CCDC117: variants seen among roughly 807,000 people sequenced by gnomAD.
CCDC117 encodes coiled-coil domain containing 117, also known as coiled-coil domain-containing protein 117.
In CCDC117, 1 loss-of-function variant was observed where a neutral mutation model predicts 23.5. The observed-to-expected ratio is 0.04, with a 90% CI of 0.02 to 0.20. The LOEUF is 0.20. Ranked by LOEUF, CCDC117 falls within the 10% of genes least tolerant of loss-of-function variation. CCDC117 has a pLI of 1.00. For synonymous variants in CCDC117, 132 were observed against 124.8 expected (o/e 1.06, Z -0.39); for missense variants, 383 against 348.2 (o/e 1.10, Z -0.80).
chr22:28,783,261 G>A (rs572171909), intron 3 of CCDC117, among the ~76,000 whole-genome samples: 73 of 151,612 alleles, frequency 4.8e-4, no homozygotes, highest in African/African-American at 1.5e-3. Flanking sequence ...GGCTCTTCTC[G>A]AACTCCTAAC....
intron 3 of CCDC117, 128 bp from the exon 4 acceptor site, chr22:28,783,380 G>T: frequency 2.4e-6 from 2 of 821,082 alleles, no homozygotes; most frequent in Non-Finnish European, 1.9e-6. Context: ...CTCATTTTTT[G>T]CTTGTTCTAT....
intron 4 of CCDC117, 51 bp downstream of exon 4, chr22:28,783,696 C>A: frequency 1.3e-6 from 2 of 1,558,242 alleles, no homozygotes; most frequent in Non-Finnish European, 1.8e-6. Flanking sequence ...GAGGGAAGAC[C>A]CAATGTCTAG....
At position 28,786,830 on chromosome 22, in the gene CCDC117, A is replaced by G. The variant is rs943903300; in HGVS notation, c.*504A>G. ...CAGTAGCTTAAGCCTGTTGCTAAGA[A>G]ATTTAATTTCTTAGCAACTTGTAAT... On this transcript the variant is annotated 3_prime_UTR_variant, in exon 5 of 5. Coordinates refer to ENST00000249064, the MANE Select transcript of CCDC117 (RefSeq NM_173510.4). 3 of 153,208 alleles carry G rather than the reference A, an allele frequency of 2.0e-5. No individual in the cohort carries two copies. Among genetic ancestry groups the G allele is most frequent in the African/African-American group, 7.2e-5 (3 of 41,426 alleles). The allele number at this position is 153,208 out of a possible 1,614,324, so 9.5% of individuals were successfully genotyped here.
intron 2 of CCDC117, among the ~76,000 whole-genome samples, chr22:28,777,127 C>A (rs1354476017): frequency 6.6e-6 from 1 of 150,722 alleles, no homozygotes; most frequent in Non-Finnish European, 1.5e-5. Flanking sequence ...CAACCTCTGC[C>A]TCCCGTGTTC....
chr22:28,779,988 A>G (rs2031273081), intron 2 of CCDC117, among the ~76,000 whole-genome samples: 19 of 152,216 alleles, frequency 1.2e-4, no homozygotes, highest in Admixed American at 1.2e-3. Context: ...ACTTGGTGGT[A>G]AGCACTTGAA....
chr22:28,780,737 G>A (rs1305299685), intron 2 of CCDC117, among the ~76,000 whole-genome samples: 2 of 152,148 alleles, frequency 1.3e-5, no homozygotes, highest in African/African-American at 4.8e-5. Flanking sequence ...TCTTACAGGT[G>A]CATCTTTATT....
intron 2 of CCDC117, among the ~76,000 whole-genome samples, chr22:28,776,792 C>G (rs577606200): frequency 6.6e-6 from 1 of 152,296 alleles, no homozygotes; most frequent in South Asian, 2.1e-4. Context: ...GCATTTTGGT[C>G]AGGCTGGTCT....
intron 3 of CCDC117, 88 bp from the exon 4 acceptor site, chr22:28,783,420 T>G: frequency 7.5e-7 from 1 of 1,337,628 alleles, no homozygotes; most frequent in Non-Finnish European, 1.0e-6. Context: ...TTTATCCTTT[T>G]TTATTTTTAA....
chr22:28,778,734 A>G (rs561007593), intron 2 of CCDC117, among the ~76,000 whole-genome samples: 1 of 152,320 alleles, frequency 6.6e-6, no homozygotes, highest in South Asian at 2.1e-4. Context: ...AACCATCTTT[A>G]ATTTACAAAT....
chr22:28,775,293 C>T (rs542335799), intron 2 of CCDC117, among the ~76,000 whole-genome samples: 1 of 152,168 alleles, frequency 6.6e-6, no homozygotes, highest in South Asian at 2.1e-4. Context: ...GTGTGGAATT[C>T]TATCGTAGGA....
chr22:28,775,196 G>T (rs1333026474), intron 2 of CCDC117, among the ~76,000 whole-genome samples: 1 of 152,198 alleles, frequency 6.6e-6, no homozygotes, highest in Non-Finnish European at 1.5e-5. Context: ...GGGAGGTGGA[G>T]GTTGCAGTGA....
intron 2 of CCDC117, among the ~76,000 whole-genome samples, chr22:28,779,017 G>A (rs1377216455): frequency 6.6e-6 from 1 of 152,050 alleles, no homozygotes; most frequent in African/African-American, 2.4e-5. Context: ...TTTTGGGGAT[G>A]TGGACTCTCA....
chr22:28,777,020 A>G (rs1344139154), intron 2 of CCDC117, among the ~76,000 whole-genome samples: 2 of 147,044 alleles, frequency 1.4e-5, no homozygotes, highest in Admixed American at 1.4e-4. Context: ...GTGCCTGGCC[A>G]GTATACTGTA....
At position 28,773,757 on chromosome 22, in the gene CCDC117, G is replaced by T. The variant is rs1397884564; in HGVS notation, c.218G>T (p.Arg73Leu). The change falls in exon 2 of 5, where the codon CGA (arginine) becomes CTA (leucine). Residue 73 changes from arginine (R) to leucine (L), a missense_variant. Coordinates refer to ENST00000249064, the MANE Select transcript of CCDC117 (RefSeq NM_173510.4). ...VSVHCKKKHK[R>L]EEEEDDDCPV... ...GTTCACTGTAAAAAGAAACACAAGC[G>T]AGAGGAGGAGGAGGATGATGAGTAA... 1.2e-6 allele frequency: 2 copies of T among 1,613,946 alleles called. No homozygotes were observed. Among genetic ancestry groups the T allele is most frequent in the South Asian group, 2.2e-5 (2 of 91,082 alleles).
rs1378530612 is a variant in CCDC117, at chr22:28,772,794, G to A, written c.-56G>A. ...GCAGTAGCTGTGGCTGCGGCTGCCGGGCCTGGGGACGCGGGCGGCCGAGGC... is the reference window on the plus strand; with the variant it reads ...GCAGTAGCTGTGGCTGCGGCTGCCGAGCCTGGGGACGCGGGCGGCCGAGGC... On this transcript the variant is annotated 5_prime_UTR_variant, in exon 1 of 5. Transcript: ENST00000249064. 3 of 1,209,806 alleles carry A rather than the reference G, an allele frequency of 2.5e-6. No individual in the cohort carries two copies. Among genetic ancestry groups the A allele is most frequent in the African/African-American group, 3.2e-5 (2 of 63,428 alleles). 74.9% of individuals were successfully genotyped at this position (1,209,806 alleles called of 1,614,324 possible). A position where few individuals can be genotyped will look rare whatever the true frequency, so the allele number is the denominator to read the frequency against.
chr22:28,773,103 CGGGCGCGGGCAG>C (rs2031045342), intron 1 of CCDC117, 69 bp downstream of exon 1: 32 of 816,676 alleles, frequency 3.9e-5, no homozygotes, highest in South Asian at 1.1e-4. Context: ...CCCCTCGCGG[CGGGCGCGGGCAG>C]GGGCGCGGGC....
At chr22:28,785,177 CTTGTTTTGTT>C (rs57485961) in intron 4 of CCDC117, among the ~76,000 whole-genome samples, 93 of 151,250 alleles carry the variant, frequency 6.1e-4, no homozygotes, top group Non-Finnish European at 1.1e-3. Flanking sequence ...AACCATGAAG[CTTGTTTTGTT>C]TTGTTTTGTT....
intron 3 of CCDC117, 44 bp downstream of exon 3, chr22:28,781,216 T>C: frequency 1.7e-6 from 2 of 1,149,508 alleles, no homozygotes; most frequent in Non-Finnish European, 2.6e-6. Context: ...TGTTCTCTTG[T>C]AATAACTCTG....
At chr22:28,782,436 G>GTATTTT (rs952268046) in intron 3 of CCDC117, among the ~76,000 whole-genome samples, 1 of 150,766 alleles carries the variant, frequency 6.6e-6, no homozygotes, top group Non-Finnish European at 1.5e-5. Context: ...ATTTTTTTTT[G>GTATTTT]TATTTTTATT....
Sources: allele counts gnomAD v4.1 joint callset (sites outside exome capture counted in the v4.1 genomes callset), GRCh38; gene constraint gnomAD v4.1.1; transcripts MANE v1.5; gene names NCBI Gene and HGNC (gene_info 2026-07-23, HGNC 2026-07-21).